PLD1: variants seen among roughly 807,000 people sequenced by gnomAD.
PLD1 encodes the protein phospholipase D1.
Under a neutral mutation model 137.1 loss-of-function variants are expected in PLD1, and 112 were observed. The ratio of observed to expected loss-of-function variants is 0.82; its 90% CI spans 0.70 to 0.96. PLD1 has a LOEUF of 0.96. Among genes scored for constraint, PLD1 ranks in the 40% least tolerant of loss-of-function variants. The pLI is 0.00. For missense variants in PLD1, 1,321 were observed against 1,342.0 expected, an observed-to-expected ratio of 0.98 and a Z score of 0.24; for synonymous variants, 431 against 454.7, an observed-to-expected ratio of 0.95 and a Z score of 0.66.
chr3:171,641,867 G>A (rs1735777495), intron 23 of PLD1, among the ~76,000 whole-genome samples: 1 of 152,132 alleles, frequency 6.6e-6, no homozygotes, highest in African/African-American at 2.4e-5. Flanking sequence ...GGGGCTCAGA[G>A]GGTTTCCACC....
At position 171,751,892 on chromosome 3, in the gene PLD1, C is replaced by A. The variant is rs971589676; in HGVS notation, c.-31-13810G>T. ...ATGGGCGCCTGTAGTGCTAGCTACT[C>A]TTTGGGAAGCTGGGGCAGGAGAATG... On this transcript the variant is annotated intron_variant, in intron 1 of 26. Transcript: ENST00000351298. Among the ~76,000 whole-genome samples, 9 of 151,642 alleles carry A rather than the reference C, an allele frequency of 5.9e-5. No homozygotes were observed. The East Asian group carries it at 1.7e-3, about 29-fold the overall frequency.
chr3:171,728,708 C>T (rs1032877678), intron 6 of PLD1, among the ~76,000 whole-genome samples: 1 of 152,152 alleles, frequency 6.6e-6, no homozygotes, highest in African/African-American at 2.4e-5. Flanking sequence ...CTGTTATCAT[C>T]AAATAGTTGA....
intron 23 of PLD1, among the ~76,000 whole-genome samples, chr3:171,620,742 C>A (rs373999): frequency 0.034 from 3,254 of 94,566 alleles, 54 homozygotes; most frequent in Admixed American, 0.052. Context: ...CTCTCTCTCT[C>A]TATATATATA....
chr3:171,713,463 G>C (rs371998153), intron 9 of PLD1, among the ~76,000 whole-genome samples: 7 of 152,338 alleles, frequency 4.6e-5, no homozygotes, highest in Admixed American at 4.6e-4. Flanking sequence ...GTGACAGAGT[G>C]AGAGCCTGTC....
At chr3:171,686,117 C>T (rs1714530700) in intron 16 of PLD1, among the ~76,000 whole-genome samples, 1 of 126,974 alleles carries the variant, frequency 7.9e-6, no homozygotes, top group African/African-American at 2.9e-5. Flanking sequence ...GAGCAAGACT[C>T]TATCTCAAAA....
At chr3:171,763,694 T>G (rs1031042965) in intron 1 of PLD1, among the ~76,000 whole-genome samples, 3 of 152,148 alleles carry the variant, frequency 2.0e-5, no homozygotes, top group Admixed American at 2.0e-4. Context: ...GATTTTAATG[T>G]TTTATTCTTG....
intron 23 of PLD1, among the ~76,000 whole-genome samples, chr3:171,621,451 A>T (rs1279792048): frequency 6.6e-6 from 1 of 152,206 alleles, no homozygotes; most frequent in African/African-American, 2.4e-5. Context: ...AATTTGAAGC[A>T]TACTAATAGA....
At chr3:171,673,576 T>TAA (rs1435286508) in intron 19 of PLD1, among the ~76,000 whole-genome samples, 2 of 151,874 alleles carry the variant, frequency 1.3e-5, no homozygotes, top group East Asian at 3.9e-4. Flanking sequence ...TGGCCTTTTT[T>TAA]AAAAAAAGTT....
At chr3:171,748,837 A>G (rs968990343) in intron 1 of PLD1, among the ~76,000 whole-genome samples, 1 of 148,126 alleles carries the variant, frequency 6.8e-6, no homozygotes, top group African/African-American at 2.5e-5. Flanking sequence ...CTTGGGCTAT[A>G]CTAGATGCTA....
intron 23 of PLD1, among the ~76,000 whole-genome samples, chr3:171,632,515 T>A (rs1040872569): frequency 6.6e-6 from 1 of 152,124 alleles, no homozygotes; most frequent in Admixed American, 6.6e-5. Flanking sequence ...AATGTCCTTG[T>A]TTTCTCAGAA....
chr3:171,616,803 G>T (rs754040294), intron 24 of PLD1, among the ~76,000 whole-genome samples: 2 of 152,170 alleles, frequency 1.3e-5, no homozygotes, highest in Non-Finnish European at 2.9e-5. Context: ...CTAACCTACT[G>T]AAGTGTCAGA....
chr3:171,763,155 G>A (rs1019504842), intron 1 of PLD1, among the ~76,000 whole-genome samples: 2 of 151,964 alleles, frequency 1.3e-5, no homozygotes, highest in Non-Finnish European at 2.9e-5. Context: ...AGAAACCATC[G>A]AAGGTCCTTC....
At chr3:171,696,269 TG>T (rs1715681633) in intron 12 of PLD1, among the ~76,000 whole-genome samples, 1 of 152,204 alleles carries the variant, frequency 6.6e-6, no homozygotes, top group Non-Finnish European at 1.5e-5. Flanking sequence ...GCATAGCAAG[TG>T]CAGAACTGTG....
intron 23 of PLD1, among the ~76,000 whole-genome samples, chr3:171,635,941 T>C (rs1420736321): frequency 6.7e-6 from 1 of 148,948 alleles, no homozygotes; most frequent in African/African-American, 2.5e-5. Flanking sequence ...TTTTTGTATA[T>C]GGTATGAGGT....
intron 1 of PLD1, among the ~76,000 whole-genome samples, chr3:171,758,716 G>A (rs370984534): frequency 2.0e-5 from 3 of 152,188 alleles, no homozygotes; most frequent in Non-Finnish European, 2.9e-5. Flanking sequence ...TGACAGAAGC[G>A]TTGTGCCCAG....
intron 23 of PLD1, among the ~76,000 whole-genome samples, chr3:171,642,033 G>C (rs939563408): frequency 3.3e-5 from 5 of 152,090 alleles, no homozygotes; most frequent in African/African-American, 1.2e-4. Flanking sequence ...CAAAGATATA[G>C]AGCACAGAGA....
At chr3:171,639,848 C>CTCTCTATATATATATATATATATATA (rs3050415) in intron 23 of PLD1, among the ~76,000 whole-genome samples, 2 of 110,214 alleles carry the variant, frequency 1.8e-5, no homozygotes, top group African/African-American at 7.8e-5. Flanking sequence ...CTCTCTCTCT[C>CTCTCTATATATATATATATATATATA]TATATATATA....
intron 6 of PLD1, among the ~76,000 whole-genome samples, chr3:171,730,850 G>A (rs1718889318): frequency 6.6e-6 from 1 of 152,114 alleles, no homozygotes; most frequent in African/African-American, 2.4e-5. Context: ...TGTTGTCCAG[G>A]CTGGTCTCGA....
chr3:171,654,341 A>G (rs1402412147), intron 21 of PLD1: 3 of 299,502 alleles, frequency 1.0e-5, no homozygotes, highest in Admixed American at 4.8e-5. Flanking sequence ...AGTTTGAACA[A>G]TGTTCAAAAT....
Sources: gnomAD v4.1 joint callset for allele counts (sites outside exome capture counted in the v4.1 genomes callset) on GRCh38, gnomAD v4.1.1 for gene constraint, MANE v1.5 for transcripts, NCBI Gene and HGNC (gene_info 2026-07-23, HGNC 2026-07-21) for gene names.